The following FAM174A variants were observed in gnomAD, a reference collection of about 807,000 sequenced individuals.
The protein encoded by FAM174A is family with sequence similarity 174 member A.
FAM174A carries 14 observed loss-of-function variants against 14.3 expected under a neutral mutation model. That is an observed-to-expected ratio of 0.98 (90% CI 0.65 to 1.53). The LOEUF is 1.53. Ranked by LOEUF, FAM174A falls within the 40% of genes most tolerant of loss-of-function variation. The pLI is 0.00. For synonymous variants in FAM174A, 108 were observed against 111.4 expected, an observed-to-expected ratio of 0.97 and a Z score of 0.19; for missense variants, 241 against 249.6, an observed-to-expected ratio of 0.97 and a Z score of 0.23.
chr5:100,568,798 T>C (rs1301767922), intron 2 of FAM174A, among the ~76,000 whole-genome samples: 1 of 151,958 alleles, frequency 6.6e-6, no homozygotes, highest in Non-Finnish European at 1.5e-5. Context: ...TAAGGATATA[T>C]AGTCAGATAC....
chr5:100,579,225 A>C (rs1746959090), intron 2 of FAM174A, among the ~76,000 whole-genome samples: 1 of 152,184 alleles, frequency 6.6e-6, no homozygotes, highest in Non-Finnish European at 1.5e-5. Flanking sequence ...TTTTCAGCTT[A>C]AATTTTGTCA....
intron 1 of FAM174A, among the ~76,000 whole-genome samples, chr5:100,542,049 A>G (rs758871992): frequency 6.6e-6 from 1 of 152,166 alleles, no homozygotes; most frequent in Non-Finnish European, 1.5e-5. Context: ...TAAAGGCCCA[A>G]TCTGATTCCT....
intron 1 of FAM174A, among the ~76,000 whole-genome samples, chr5:100,559,098 G>T (rs970188740): frequency 3.9e-5 from 6 of 152,070 alleles, no homozygotes; most frequent in African/African-American, 1.4e-4. Flanking sequence ...TCCATGTTTA[G>T]TGCTTCCTTC....
At chr5:100,561,546 T>A (rs1000649451) in intron 1 of FAM174A, among the ~76,000 whole-genome samples, 6 of 151,970 alleles carry the variant, frequency 3.9e-5, no homozygotes, top group African/African-American at 9.7e-5. Flanking sequence ...TTCAGTTATG[T>A]CCTAAACATG....
At chr5:100,547,244 G>C (rs1173763363) in intron 1 of FAM174A, among the ~76,000 whole-genome samples, 1 of 152,078 alleles carries the variant, frequency 6.6e-6, no homozygotes, top group Non-Finnish European at 1.5e-5. Context: ...AAAAGTATGA[G>C]TGGAGTAGTT....
At chr5:100,583,585 CAGTT>C (rs966748323) in intron 2 of FAM174A, among the ~76,000 whole-genome samples, 1 of 152,092 alleles carries the variant, frequency 6.6e-6, no homozygotes, top group Non-Finnish European at 1.5e-5. Flanking sequence ...ATTGTAATGT[CAGTT>C]AGCTCTTGAA....
At chr5:100,548,398 AGTT>A (rs1250850147) in intron 1 of FAM174A, among the ~76,000 whole-genome samples, 1 of 152,100 alleles carries the variant, frequency 6.6e-6, no homozygotes, top group African/African-American at 2.4e-5. Flanking sequence ...GTAGCTGCCA[AGTT>A]ATTATTATTA....
intron 2 of FAM174A, among the ~76,000 whole-genome samples, chr5:100,582,852 C>G (rs1004714311): frequency 1.3e-5 from 2 of 152,018 alleles, no homozygotes; most frequent in African/African-American, 2.4e-5. Flanking sequence ...TTTATAGGAA[C>G]CATAGAAATG....
At chr5:100,542,741 C>T (rs766241292) in intron 1 of FAM174A, among the ~76,000 whole-genome samples, 1 of 152,116 alleles carries the variant, frequency 6.6e-6, no homozygotes, top group Admixed American at 6.5e-5. Flanking sequence ...CGTTTGTAAT[C>T]CCAGCACTTT....
chr5:100,542,659 A>AC (rs144731023), intron 1 of FAM174A, among the ~76,000 whole-genome samples: 2,860 of 152,238 alleles, frequency 0.019, 75 homozygotes, highest in African/African-American at 0.063. Context: ...TTATTGCTAC[A>AC]CTGTCCAATA....
chr5:100,541,390 A>G (rs1272591086), intron 1 of FAM174A, among the ~76,000 whole-genome samples: 1 of 152,114 alleles, frequency 6.6e-6, no homozygotes, highest in Admixed American at 6.6e-5. Flanking sequence ...TAGAAGACTA[A>G]ATATTTATCT....
At chr5:100,561,097 A>G (rs1297320679) in intron 1 of FAM174A, among the ~76,000 whole-genome samples, 3 of 152,008 alleles carry the variant, frequency 2.0e-5, no homozygotes, top group Non-Finnish European at 2.9e-5. Flanking sequence ...ATAAACATAT[A>G]CATCAGCACA....
chr5:100,547,934 C>A (rs1344216139), intron 1 of FAM174A, among the ~76,000 whole-genome samples: 1 of 151,962 alleles, frequency 6.6e-6, no homozygotes, highest in Non-Finnish European at 1.5e-5. Context: ...TCCACTCTTG[C>A]CTTTCTATAG....
chr5:100,545,420 T>C lies in FAM174A; in HGVS notation c.434+9456T>C, dbSNP rs557453980. Among the ~76,000 whole-genome samples, 136 of 152,238 alleles carry C rather than the reference T, an allele frequency of 8.9e-4. 2 individuals carry two copies. In the South Asian group the frequency reaches 0.027, roughly 30 times the overall value. ...ATATTCTTTAATAATCCTTTTTTTT[T>C]CTGGAAGAAGAAAGTGGTATAGAGT... On this transcript the variant is annotated intron_variant, in intron 1 of 2. Coordinates refer to ENST00000312637, the MANE Select transcript of FAM174A (RefSeq NM_198507.3).
Position 100,536,718 on chromosome 5 carries a change from TTA to T in FAM174A, c.434+756_434+757del, listed in dbSNP as rs528889026. Among the ~76,000 whole-genome samples the T allele has an allele frequency of 1.4e-4, 21 of 152,346 alleles. No homozygotes were observed. In the East Asian group the frequency reaches 3.9e-3, roughly 28 times the overall value. ...TAAGTGTAGAGGGTAGGTTTGCAGCTTATGTTTGTTTATTGTTTTCAAAATTC... is the reference window on the plus strand; with the variant it reads ...TAAGTGTAGAGGGTAGGTTTGCAGCTTGTTTGTTTATTGTTTTCAAAATTC... On this transcript the variant is annotated intron_variant, in intron 1 of 2. Transcript: ENST00000312637.
chr5:100,563,850 T>C (rs1223021007), intron 2 of FAM174A, among the ~76,000 whole-genome samples: 1 of 151,822 alleles, frequency 6.6e-6, no homozygotes, highest in East Asian at 1.9e-4. Flanking sequence ...CAGGAAAAAT[T>C]ATAAATATGT....
rs147110585 is a variant in FAM174A, at chr5:100,542,758, C to T, written c.434+6794C>T. On this transcript the variant is annotated intron_variant, in intron 1 of 2. Transcript: ENST00000312637. ...TTTGTAATCCCAGCACTTTGGGAGG[C>T]CAAGGTGGGAGGATCTCTTGAGTCC... Among the ~76,000 whole-genome samples, 934 of 152,162 alleles carry T rather than the reference C, an allele frequency of 6.1e-3. 7 individuals carry two copies. The highest frequency in any genetic ancestry group is 0.021 in the African/African-American group (881 of 41,512).
At chr5:100,565,828 G>T (rs1400458967) in intron 2 of FAM174A, among the ~76,000 whole-genome samples, 1 of 151,586 alleles carries the variant, frequency 6.6e-6, no homozygotes, top group Non-Finnish European at 1.5e-5. Flanking sequence ...AGGTTTAATG[G>T]ACTCACAATT....
At chr5:100,539,440 G>T (rs558295570) in intron 1 of FAM174A, among the ~76,000 whole-genome samples, 15 of 152,158 alleles carry the variant, frequency 9.9e-5, no homozygotes, top group African/African-American at 2.9e-4. Context: ...AACCCTATAC[G>T]CTAAGACACA....
Sources: allele counts gnomAD v4.1 joint callset (sites outside exome capture counted in the v4.1 genomes callset), GRCh38; gene constraint gnomAD v4.1.1; transcripts MANE v1.5; gene names NCBI Gene and HGNC (gene_info 2026-07-23, HGNC 2026-07-21).